Variants in PCDHGB4 observed in about 807,000 individuals in gnomAD.
PCDHGB4 encodes the protein protocadherin gamma subfamily B, 4, also known as protocadherin gamma-B4.
Under a neutral mutation model 60.5 loss-of-function variants are expected in PCDHGB4, and 38 were observed. The ratio of observed to expected loss-of-function variants is 0.63; its 90% CI spans 0.48 to 0.82. The LOEUF is 0.82. Ranked by LOEUF, PCDHGB4 falls within the 40% of genes least tolerant of loss-of-function variation. PCDHGB4 has a pLI of 0.00. For synonymous variants in PCDHGB4, 456 were observed against 509.7 expected (o/e 0.89, Z 1.42); for missense variants, 1,109 against 1,209.6 (o/e 0.92, Z 1.23).
In PCDHGB4 at chr5:141,389,750, C is replaced by A. The variant is rs751642051; in HGVS notation, c.1866C>A (p.Gly622=). The A allele has an allele frequency of 2.5e-6, 4 of 1,612,642 alleles. No individual in the cohort carries two copies. Among genetic ancestry groups the A allele is most frequent in the African/African-American group, 2.7e-5 (2 of 74,932 alleles). ...PGLFSLGLRT[G]EVRTARALGD... ...TCTTCAGCCTGGGGCTGCGCACGGG[C>A]GAAGTGCGCACAGCGCGTGCCTTAG... Residue 622 remains glycine, a synonymous_variant, in exon 1 of 4, where the codon GGC becomes GGA. Coordinates refer to ENST00000519479, the MANE Select transcript of PCDHGB4 (RefSeq NM_003736.4).
chr5:141,490,061 A>G lies in PCDHGB4; in HGVS notation c.2398-4746A>G, dbSNP rs1562135413. On this transcript the variant is annotated intron_variant, in intron 1 of 3. Transcript: ENST00000519479. This position sits in a 1 kb window ranked among gnomAD's most constrained non-coding sequence, Gnocchi z 5.4. Reference sequence around the variant, plus strand: ...GCCACTGATCCAGACGAGGGCACCAACGGCCAACTAGACTATTCTTTTGGA... The same window carrying G: ...GCCACTGATCCAGACGAGGGCACCAGCGGCCAACTAGACTATTCTTTTGGA... 1.2e-6 allele frequency: 2 copies of G among 1,614,214 alleles called. No individual in the cohort carries two copies. Among genetic ancestry groups the G allele is most frequent in the East Asian group, 2.2e-5 (1 of 44,884 alleles).
chr5:141,427,887 C>G, intron 1 of PCDHGB4: 1 of 1,565,908 alleles, frequency 6.4e-7, no homozygotes, highest in South Asian at 1.1e-5. Flanking sequence ...GGCCCACGAC[C>G]AGGGCTCGCC....
intron 1 of PCDHGB4, chr5:141,478,893 T>G (rs1469313900): frequency 1.8e-6 from 2 of 1,102,894 alleles, no homozygotes; most frequent in Admixed American, 3.1e-5. Flanking sequence ...TCATTTACAT[T>G]AGGAATAAGC....
At chr5:141,413,299 G>T in intron 1 of PCDHGB4, 1 of 1,613,966 alleles carries the variant, frequency 6.2e-7, no homozygotes, top group Non-Finnish European at 8.5e-7. Flanking sequence ...AATTCCTGAG[G>T]AATTAGAGAA....
chr5:141,474,208 A>C (rs1243312558), intron 1 of PCDHGB4, among the ~76,000 whole-genome samples: 1 of 152,242 alleles, frequency 6.6e-6, no homozygotes, highest in Non-Finnish European at 1.5e-5. Context: ...TGATTTTCAA[A>C]AACCAGATTG....
rs1486791355 is a variant in PCDHGB4 at position 141,476,804 on chromosome 5, A to G, written c.2398-18003A>G. Reference sequence around the variant, plus strand: ...CCCAGCTCTCTCCGCCAGCCTGCCTATTCACATCAAGGTGCTGGACGCGAA... The same window carrying G: ...CCCAGCTCTCTCCGCCAGCCTGCCTGTTCACATCAAGGTGCTGGACGCGAA... On this transcript the variant is annotated intron_variant, in intron 1 of 3. Coordinates refer to ENST00000519479, the MANE Select transcript of PCDHGB4 (RefSeq NM_003736.4). The surrounding 1 kb of genome is among the most constrained non-coding windows in gnomAD (Gnocchi z 7.6). 5 of 1,613,476 alleles carry G rather than the reference A, an allele frequency of 3.1e-6. No individual in the cohort carries two copies. Among genetic ancestry groups the G allele is most frequent in the South Asian group, 2.2e-5 (2 of 91,080 alleles).
In PCDHGB4 at chr5:141,477,850, G is replaced by C. The variant is rs2099420608; in HGVS notation, c.2398-16957G>C. On this transcript the variant is annotated intron_variant, in intron 1 of 3. Coordinates refer to ENST00000519479, the MANE Select transcript of PCDHGB4 (RefSeq NM_003736.4). The surrounding 1 kb of genome is among the most constrained non-coding windows in gnomAD (Gnocchi z 4.9). Reference sequence around the variant, plus strand: ...CTCGGCCAGGTGGGAGCTCGGTGGAGATGCTGCCTCGAGGTACCTCAGCTG... The same window carrying C: ...CTCGGCCAGGTGGGAGCTCGGTGGACATGCTGCCTCGAGGTACCTCAGCTG... 6.2e-6 allele frequency: 10 copies of C among 1,613,328 alleles called. No individual in the cohort carries two copies. Among genetic ancestry groups the C allele is most frequent in the Non-Finnish European group, 7.6e-6 (9 of 1,179,812 alleles).
intron 1 of PCDHGB4, among the ~76,000 whole-genome samples, chr5:141,466,594 C>G (rs557960608): frequency 6.6e-6 from 1 of 152,268 alleles, no homozygotes; most frequent in Admixed American, 6.5e-5. Flanking sequence ...TTAAAACAAG[C>G]TAGCTACTTG....
At position 141,409,225 on chromosome 5, in the gene PCDHGB4, C is replaced by T. The variant is rs781617309; in HGVS notation, c.2397+18944C>T. 59 of 1,613,878 alleles carry T rather than the reference C, an allele frequency of 3.7e-5. 2 individuals carry two copies. The East Asian group carries it at 1.1e-3, about 30-fold the overall frequency. On this transcript the variant is annotated intron_variant, in intron 1 of 3. Coordinates refer to ENST00000519479, the MANE Select transcript of PCDHGB4 (RefSeq NM_003736.4). ...TAATCATAGAAATCCTTGATGAAAA[C>T]GACAACAGCCCAGAAATAATCATCA...
chr5:141,495,529 C>T (rs1466269939), intron 2 of PCDHGB4, among the ~76,000 whole-genome samples: 1 of 152,210 alleles, frequency 6.6e-6, no homozygotes, highest in African/African-American at 2.4e-5. Flanking sequence ...ACCTCTCAGT[C>T]CTTCCCTCAG....
rs1210691847 is a variant in PCDHGB4, at chr5:141,432,985, C to T, written c.2397+42704C>T. The stretch of plus-strand genomic sequence containing the variant: ...GAGCGCCGGCGTCGCACTTTGTGGG[C>T]GTGGACGGGGTGCAGGCTTTCCTGC... On this transcript the variant is annotated intron_variant, in intron 1 of 3. Transcript: ENST00000519479. The surrounding 1 kb of genome is among the most constrained non-coding windows in gnomAD (Gnocchi z 6.0). The T allele has an allele frequency of 3.1e-6, 5 of 1,614,176 alleles. No individual in the cohort carries two copies. The highest frequency in any genetic ancestry group is 4.2e-6 in the Non-Finnish European group (5 of 1,180,034).
At position 141,463,438 on chromosome 5, in the gene PCDHGB4, C is replaced by CTTTTT. The variant is rs71576115; in HGVS notation, c.2398-31345_2398-31341dup. On this transcript the variant is annotated intron_variant, in intron 1 of 3. Coordinates refer to ENST00000519479, the MANE Select transcript of PCDHGB4 (RefSeq NM_003736.4). ...GTTTGCGGATCCTCATTTCCTTCTC[C>CTTTTT]TTTTTTTTTTTTTTTTTTTTTTTTT... is the stretch of plus-strand genomic sequence containing the variant. 3.0e-4 allele frequency among the ~76,000 whole-genome samples: 31 copies of CTTTTT among 103,252 alleles called. 1 individual carries two copies. Among genetic ancestry groups the CTTTTT allele is most frequent in the African/African-American group, 1.2e-3 (26 of 22,402 alleles). The allele number at this position is 103,252 out of a possible 152,430, so 67.7% of individuals were successfully genotyped here.
In PCDHGB4 at chr5:141,476,529, A is replaced by G. The variant is rs752442904; in HGVS notation, c.2398-18278A>G. On this transcript the variant is annotated intron_variant, in intron 1 of 3. Coordinates refer to ENST00000519479, the MANE Select transcript of PCDHGB4 (RefSeq NM_003736.4). The surrounding 1 kb of genome is among the most constrained non-coding windows in gnomAD (Gnocchi z 7.6). ...GACAACAATCCTGCTTTCCCTACCCAGGAAATGAAATTGGAGATTAGCGAG... is the reference window on the plus strand; with the variant it reads ...GACAACAATCCTGCTTTCCCTACCCGGGAAATGAAATTGGAGATTAGCGAG... 2.8e-5 allele frequency: 46 copies of G among 1,614,198 alleles called. No individual in the cohort carries two copies. Among genetic ancestry groups the G allele is most frequent in the Non-Finnish European group, 3.8e-5 (45 of 1,180,044 alleles).
At chr5:141,422,886 G>A in intron 1 of PCDHGB4, 1 of 1,614,260 alleles carries the variant, frequency 6.2e-7, no homozygotes, top group Non-Finnish European at 8.5e-7. Flanking sequence ...GCCTGTTCGT[G>A]CTGGACCAGA....
chr5:141,445,245 T>C (rs2098460607), intron 1 of PCDHGB4, among the ~76,000 whole-genome samples: 1 of 152,212 alleles, frequency 6.6e-6, no homozygotes, highest in Non-Finnish European at 1.5e-5. Flanking sequence ...TTACACTATA[T>C]TGTGTGAGAA....
chr5:141,406,183 C>T (rs1048428263), intron 1 of PCDHGB4, among the ~76,000 whole-genome samples: 5 of 151,756 alleles, frequency 3.3e-5, no homozygotes, highest in Admixed American at 6.6e-5. Flanking sequence ...TGCAATCCTC[C>T]CACCTCAGCC....
At chr5:141,402,682 T>A (rs1012328239) in intron 1 of PCDHGB4, among the ~76,000 whole-genome samples, 1 of 152,138 alleles carries the variant, frequency 6.6e-6, no homozygotes, top group East Asian at 1.9e-4. Context: ...CCATCTGATA[T>A]AATGTTACAC....
At chr5:141,506,865 G>T (rs1403350484) in intron 3 of PCDHGB4, among the ~76,000 whole-genome samples, 1 of 152,186 alleles carries the variant, frequency 6.6e-6, no homozygotes, top group African/African-American at 2.4e-5. Flanking sequence ...GGACTGGTGG[G>T]TAGAGAACCA....
intron 1 of PCDHGB4, chr5:141,441,665 A>ACAGTG (rs936537442): frequency 7.5e-6 from 2 of 265,720 alleles, no homozygotes; most frequent in African/African-American, 4.7e-5. Flanking sequence ...CCTTGAGCGC[A>ACAGTG]CAGTGCGCCT....
Sources: gnomAD v4.1 joint callset for allele counts (sites outside exome capture counted in the v4.1 genomes callset) on GRCh38, gnomAD v4.1.1 for gene constraint, Gnocchi (gnomAD v3.1) non-coding constraint, MANE v1.5 for transcripts, NCBI Gene and HGNC (gene_info 2026-07-23, HGNC 2026-07-21) for gene names.